Variants in FER observed in about 807,000 individuals in gnomAD.
FER encodes tyrosine-protein kinase Fer.
Under a neutral mutation model 111.0 loss-of-function variants are expected in FER, and 63 were observed. The ratio of observed to expected loss-of-function variants is 0.57; its 90% CI spans 0.46 to 0.70. The LOEUF (loss-of-function observed/expected upper bound fraction) is 0.70, where lower values mean the gene tolerates loss of function less well. Among genes scored for constraint, FER ranks in the 30% least tolerant of loss-of-function variants. The pLI, the probability that FER is intolerant of heterozygous loss-of-function variation, is 0.00. For synonymous variants in FER, 327 were observed against 313.9 expected, an observed-to-expected ratio of 1.04 and a Z score of -0.44; for missense variants, 914 against 954.0, an observed-to-expected ratio of 0.96 and a Z score of 0.55.
chr5:109,149,876 G>C (rs1754630363), intron 17 of FER, among the ~76,000 whole-genome samples: 1 of 152,120 alleles, frequency 6.6e-6, no homozygotes, highest in African/African-American at 2.4e-5. Context: ...TAGAAACTGA[G>C]CTGCCCAGCA....
At chr5:108,833,764 C>G (rs1477378437) in intron 4 of FER, among the ~76,000 whole-genome samples, 1 of 151,880 alleles carries the variant, frequency 6.6e-6, no homozygotes, top group Non-Finnish European at 1.5e-5. Flanking sequence ...GTCCCAGCTA[C>G]TCAGGAGGCT....
At chr5:108,932,955 G>C (rs1754909087) in intron 10 of FER, among the ~76,000 whole-genome samples, 2 of 149,282 alleles carry the variant, frequency 1.3e-5, no homozygotes, top group South Asian at 4.2e-4. Flanking sequence ...TTCTTTTCTT[G>C]TAAATTTGTT....
intron 3 of FER, among the ~76,000 whole-genome samples, chr5:108,826,087 T>C (rs1343790774): frequency 6.6e-6 from 1 of 152,216 alleles, no homozygotes; most frequent in Non-Finnish European, 1.5e-5. Flanking sequence ...CTTTATTATG[T>C]TGAGATACAT....
At chr5:108,867,625 ATAT>A (rs774511774) in intron 5 of FER, 139 bp from the exon 6 acceptor site, 210 of 773,192 alleles carry the variant, frequency 2.7e-4, no homozygotes, top group Non-Finnish European at 4.1e-4. Context: ...AGCTAAGCAC[ATAT>A]TATGTGTTCA....
At chr5:109,030,969 C>G (rs1490310377) in intron 13 of FER, among the ~76,000 whole-genome samples, 2 of 151,976 alleles carry the variant, frequency 1.3e-5, no homozygotes, top group Non-Finnish European at 2.9e-5. Flanking sequence ...GCTCATTTGT[C>G]TGGGATCTAT....
chr5:108,749,115 C>T (rs999934386), intron 1 of FER: 3 of 152,390 alleles, frequency 2.0e-5, no homozygotes, highest in Admixed American at 6.5e-5. Flanking sequence ...CAGAGGGGCG[C>T]CCGGGATTCG....
intron 16 of FER, among the ~76,000 whole-genome samples, chr5:109,061,859 T>C (rs1156754092): frequency 2.6e-5 from 4 of 152,218 alleles, no homozygotes; most frequent in African/African-American, 9.6e-5. Flanking sequence ...AATATGCTCC[T>C]GTTCTTGTCA....
At chr5:109,136,605 T>A (rs1752924544) in intron 17 of FER, among the ~76,000 whole-genome samples, 1 of 152,186 alleles carries the variant, frequency 6.6e-6, no homozygotes, top group Non-Finnish European at 1.5e-5. Context: ...ATATACAGAT[T>A]TTCATTTGAT....
intron 9 of FER, among the ~76,000 whole-genome samples, chr5:108,885,551 G>A (rs1280034352): frequency 6.6e-6 from 1 of 151,828 alleles, no homozygotes; most frequent in Non-Finnish European, 1.5e-5. Context: ...TTGGGTTCTT[G>A]TGAGGACTCT....
At chr5:108,817,227 A>T (rs966016173) in intron 3 of FER, among the ~76,000 whole-genome samples, 46 of 147,946 alleles carry the variant, frequency 3.1e-4, no homozygotes, top group African/African-American at 1.1e-3. Context: ...AGAGGCTCTT[A>T]TGAATGGGAA....
In FER at chr5:108,804,150, A is replaced by G. The variant is rs1278912028; in HGVS notation, c.207+5761A>G. On this transcript the variant is annotated intron_variant, in intron 3 of 19. Coordinates refer to ENST00000281092, the MANE Select transcript of FER (RefSeq NM_005246.4). Reference sequence around the variant, plus strand: ...GGCTATCAGCTTGAATGTTATTAGTATATAGAATTGGTGCTGATTTTTCTA... The same window carrying G: ...GGCTATCAGCTTGAATGTTATTAGTGTATAGAATTGGTGCTGATTTTTCTA... 2.6e-5 allele frequency among the ~76,000 whole-genome samples: 4 copies of G among 152,042 alleles called. 1 individual carries two copies. Among genetic ancestry groups the G allele is most frequent in the South Asian group, 2.1e-4 (1 of 4,814 alleles).
intron 3 of FER, among the ~76,000 whole-genome samples, chr5:108,813,499 T>C (rs1757972458): frequency 6.6e-6 from 1 of 152,166 alleles, no homozygotes; most frequent in South Asian, 2.1e-4. Flanking sequence ...TTTTATCTTC[T>C]TTCAGGACCC....
At chr5:109,076,102 TATTA>T (rs751631477) in intron 16 of FER, among the ~76,000 whole-genome samples, 2 of 151,814 alleles carry the variant, frequency 1.3e-5, no homozygotes, top group Admixed American at 6.6e-5. Context: ...TACATTTTTA[TATTA>T]ATTATGTGTA....
chr5:108,927,329 T>C (rs13355856), intron 10 of FER, among the ~76,000 whole-genome samples: 92,095 of 145,622 alleles, frequency 0.63, 31,631 homozygotes, highest in African/African-American at 0.9. Context: ...GGCGCAATCT[T>C]GGCTCACTGC....
chr5:108,865,633 T>C (rs929837284), intron 5 of FER, among the ~76,000 whole-genome samples: 2 of 152,032 alleles, frequency 1.3e-5, no homozygotes, highest in Non-Finnish European at 2.9e-5. Flanking sequence ...AAACCTACCA[T>C]CAGATTGAAC....
intron 13 of FER, among the ~76,000 whole-genome samples, chr5:109,018,123 C>G (rs146061181): frequency 0.012 from 1,789 of 151,818 alleles, 17 homozygotes; most frequent in Non-Finnish European, 0.02. Context: ...TTTACTTCTA[C>G]TTAGTACATT....
intron 1 of FER, among the ~76,000 whole-genome samples, chr5:108,761,026 G>A (rs1195210647): frequency 6.6e-6 from 1 of 151,940 alleles, no homozygotes; most frequent in Non-Finnish European, 1.5e-5. Context: ...CGCCTCCTGG[G>A]TTCAAGCAAT....
At chr5:109,180,626 C>G in intron 17 of FER, 121 bp from the exon 18 acceptor site, 2 of 1,087,296 alleles carry the variant, frequency 1.8e-6, no homozygotes, top group Non-Finnish European at 2.6e-6. Flanking sequence ...AAATCACAAG[C>G]ATTCTTAACC....
chr5:108,949,292 A>T (rs967361609), intron 11 of FER, among the ~76,000 whole-genome samples: 1 of 152,072 alleles, frequency 6.6e-6, no homozygotes, highest in Non-Finnish European at 1.5e-5. Flanking sequence ...TCTTTAATCA[A>T]GGCACGTTGT....
Sources: gnomAD v4.1 joint callset for allele counts (sites outside exome capture counted in the v4.1 genomes callset) on GRCh38, gnomAD v4.1.1 for gene constraint, MANE v1.5 for transcripts, NCBI Gene and HGNC (gene_info 2026-07-23, HGNC 2026-07-21) for gene names.